Variants in HECTD4 observed in about 807,000 individuals in gnomAD.
The protein encoded by HECTD4 is probable E3 ubiquitin-protein ligase HECTD4.
In HECTD4, 114 loss-of-function variants were observed where a neutral mutation model predicts 471.5. That is an observed-to-expected ratio of 0.24 (90% confidence interval 0.21 to 0.28). The LOEUF (loss-of-function observed/expected upper bound fraction) is 0.28, where lower values mean the gene tolerates loss of function less well. Ranked by LOEUF, HECTD4 falls within the 10% of genes least tolerant of loss-of-function variation. The pLI is 1.00. For missense variants in HECTD4, 3,866 were observed against 5,651.5 expected (o/e 0.68, Z 10.13); for synonymous variants, 2,012 against 2,256.0 (o/e 0.89, Z 3.07).
intron 1 of HECTD4, among the ~76,000 whole-genome samples, chr12:112,335,808 A>G (rs2035947295): frequency 1.3e-5 from 2 of 152,334 alleles, no homozygotes; most frequent in Admixed American, 6.5e-5. Flanking sequence ...GTTCCCCAAT[A>G]ACCTATGGAA....
At chr12:112,289,684 T>C (rs1250481630) in intron 7 of HECTD4, among the ~76,000 whole-genome samples, 1 of 152,036 alleles carries the variant, frequency 6.6e-6, no homozygotes, top group Non-Finnish European at 1.5e-5. Context: ...TTTGTTTGTT[T>C]GTTTGTTTTT....
intron 69 of HECTD4, chr12:112,169,920 T>C: frequency 1.7e-6 from 1 of 583,612 alleles, no homozygotes; most frequent in South Asian, 2.0e-5. Flanking sequence ...CCTCTGCCTC[T>C]TGGGGAGGTC....
chr12:112,372,903 T>C (rs1173533748), intron 1 of HECTD4, among the ~76,000 whole-genome samples: 1 of 151,876 alleles, frequency 6.6e-6, no homozygotes. Context: ...TACAAGTGCA[T>C]GCCACCACGC....
chr12:112,193,050 A>G lies in HECTD4; in HGVS notation c.9086+11T>C, dbSNP rs772938573. On this transcript the variant is annotated intron_variant, in intron 58 of 75. Coordinates refer to ENST00000682272, the MANE Select transcript of HECTD4 (RefSeq NM_001388303.1). The surrounding 1 kb of genome is among the most constrained non-coding windows in gnomAD (Gnocchi z 5.2). ...TCCCCATCACCATCTTCTTGAGAAC[A>G]GGCAACTTACTCTTTGCGGAATCCA... The G allele has an allele frequency of 9.9e-6, 16 of 1,613,922 alleles. No individual in the cohort carries two copies. In the East Asian group the frequency reaches 3.1e-4, roughly 31 times the overall value.
chr12:112,183,078 G>A lies in HECTD4; in HGVS notation c.10968C>T (p.Phe3656=). 1 of 1,612,758 alleles carries A rather than the reference G, an allele frequency of 6.2e-7. No homozygotes were observed. Among genetic ancestry groups the A allele is most frequent in the South Asian group, 1.1e-5 (1 of 91,028 alleles). ...ACCCACCTTTAATTGACTTATCATTGAAATAATCTTCTAACCCTGGGCTCC... is the reference window on the plus strand; with the variant it reads ...ACCCACCTTTAATTGACTTATCATTAAAATAATCTTCTAACCCTGGGCTCC... ...TQGSPGLEDY[F]NDKSIKGEKL... The change falls in exon 62 of 76, where the codon TTC becomes TTT. Residue 3656 remains phenylalanine, a synonymous_variant. Coordinates refer to ENST00000682272, the MANE Select transcript of HECTD4 (RefSeq NM_001388303.1).
Position 112,250,974 on chromosome 12 carries a change from T to C in HECTD4, c.3713A>G (p.Gln1238Arg). 4 of 1,608,530 alleles carry C rather than the reference T, an allele frequency of 2.5e-6. No homozygotes were observed. Among genetic ancestry groups the C allele is most frequent in the Non-Finnish European group, 3.4e-6 (4 of 1,177,612 alleles). The change falls in exon 24 of 76, where the codon CAA becomes CGA. Residue 1238 changes from glutamine (Q) to arginine (R), a missense_variant. This residue lies in a region of HECTD4 where 281 missense variants were observed against 499.9 expected (regional missense o/e 0.56). Transcript: ENST00000682272. ...CQELLRSKLL[Q>R]RCQWQVEANG... ...TCAATTTCAACCTTTTTGTTACCTT[T>C]GTAAAAGTTTGGACCGCAATAGCTC...
chr12:112,235,144 T>C lies in HECTD4; in HGVS notation c.5848A>G (p.Lys1950Glu). The change falls in exon 37 of 76, where the codon AAG becomes GAG. Residue 1950 changes from lysine to glutamate, a missense_variant. Physicochemically the swap from Lys to Glu is moderately conservative, Grantham distance 56 (BLOSUM62 1). Around this residue, in one of 16 missense-constraint regions of HECTD4, gnomAD observed 617 missense variants for 915.1 expected, o/e 0.67. Transcript: ENST00000682272. This position sits in a 1 kb window ranked among gnomAD's most constrained non-coding sequence, Gnocchi z 5.0. Reference sequence around the variant, plus strand: ...CGCTTGTGGATAAATATCGAGAGCTTGCCATCCACAGCCTCACTCTCTTCT... The same window carrying C: ...CGCTTGTGGATAAATATCGAGAGCTCGCCATCCACAGCCTCACTCTCTTCT... Reference protein sequence around the residue: ...PGEESEAVDGKLSIFIHKRED... With the variant: ...PGEESEAVDGELSIFIHKRED... 1 of 1,612,792 alleles carries C rather than the reference T, an allele frequency of 6.2e-7. No homozygotes were observed. The highest frequency in any genetic ancestry group is 8.5e-7 in the Non-Finnish European group (1 of 1,179,320).
chr12:112,282,096 C>T (rs1423292363), intron 8 of HECTD4, among the ~76,000 whole-genome samples: 1 of 151,998 alleles, frequency 6.6e-6, no homozygotes, highest in African/African-American at 2.4e-5. Context: ...TTTAAAAGTG[C>T]AGAACAGCCA....
chr12:112,381,441 G>T lies in HECTD4; in HGVS notation c.177+511C>A, dbSNP rs74836869. ...AGAAGTTGCTGGATTGCCCATCGCG[G>T]ACCCGCAGCTGCCACTACCCTCTCC... On this transcript the variant is annotated intron_variant, in intron 1 of 75. Coordinates refer to ENST00000682272, the MANE Select transcript of HECTD4 (RefSeq NM_001388303.1). This position sits in a 1 kb window ranked among gnomAD's most constrained non-coding sequence, Gnocchi z 4.1. 3.8e-3 allele frequency among the ~76,000 whole-genome samples: 576 copies of T among 152,186 alleles called. 5 individuals carry two copies. The highest frequency in any genetic ancestry group is 0.013 in the African/African-American group (559 of 41,516).
chr12:112,187,517 C>T (rs868673207), intron 60 of HECTD4, among the ~76,000 whole-genome samples: 14 of 151,680 alleles, frequency 9.2e-5, no homozygotes, highest in Admixed American at 2.6e-4. Flanking sequence ...GGATTACAGG[C>T]GTGAGACACC....
At chr12:112,332,905 T>C (rs1247851577) in intron 1 of HECTD4, among the ~76,000 whole-genome samples, 1 of 152,186 alleles carries the variant, frequency 6.6e-6, no homozygotes, top group Non-Finnish European at 1.5e-5. Context: ...CTATTTTCTA[T>C]ATTTATAGAT....
chr12:112,347,170 A>G (rs1566119676), intron 1 of HECTD4, among the ~76,000 whole-genome samples: 1 of 152,102 alleles, frequency 6.6e-6, no homozygotes, highest in Non-Finnish European at 1.5e-5. Context: ...TGAATAAAAA[A>G]TATCTGATGA....
At chr12:112,371,938 C>CCAAA (rs150892695) in intron 1 of HECTD4, among the ~76,000 whole-genome samples, 2 of 147,178 alleles carry the variant, frequency 1.4e-5, no homozygotes, top group Non-Finnish European at 3.0e-5. Flanking sequence ...GGATCACCAA[C>CCAAA]CAAACAAACA....
chr12:112,272,939 G>T (rs1248437268), intron 11 of HECTD4, among the ~76,000 whole-genome samples: 1 of 152,186 alleles, frequency 6.6e-6, no homozygotes, highest in Non-Finnish European at 1.5e-5. Flanking sequence ...CCAAGCTTGA[G>T]GTGGTCAGCA....
intron 71 of HECTD4, 127 bp from the exon 72 acceptor site, chr12:112,167,665 C>T: frequency 1.9e-6 from 2 of 1,031,840 alleles, no homozygotes; most frequent in East Asian, 2.6e-5. Flanking sequence ...CCAGAGCTTG[C>T]CCATCCAGTG....
In HECTD4 at chr12:112,219,426, G is replaced by C. The variant is rs1456482379; in HGVS notation, c.7034C>G (p.Ala2345Gly). 1 of 1,613,746 alleles carries C rather than the reference G, an allele frequency of 6.2e-7. No homozygotes were observed. Among genetic ancestry groups the C allele is most frequent in the Non-Finnish European group, 8.5e-7 (1 of 1,179,792 alleles). The change falls in exon 45 of 76, where the codon GCT (alanine) becomes GGT (glycine). Residue 2345 changes from alanine to glycine, a missense_variant. Physicochemically the swap from Ala to Gly is moderately conservative, Grantham distance 60. Transcript: ENST00000682272. Reference protein sequence around the residue: ...ERLRMLYRDCARPPPPPLQAD... With the variant: ...ERLRMLYRDCGRPPPPPLQAD... ...CTGCAAAGGAGGTGGTGGGGGCCGA[G>C]CACAGTCCCGGTAGAGCATCCTCAG...
At position 112,323,949 on chromosome 12, in the gene HECTD4, TCTTTCTTTCTTTCTTTCTTCCTTCCTTC is replaced by T. The variant is rs1481164043; in HGVS notation, c.178-4235_178-4208del. Among the ~76,000 whole-genome samples, 9 of 43,360 alleles carry T rather than the reference TCTTTCTTTCTTTCTTTCTTCCTTCCTTC, an allele frequency of 2.1e-4. No individual in the cohort carries two copies. In the South Asian group the frequency reaches 4.1e-3, roughly 20 times the overall value. 28.4% of individuals were successfully genotyped at this position (43,360 alleles called of 152,430 possible). On this transcript the variant is annotated intron_variant, in intron 1 of 75. Transcript: ENST00000682272. ...TAGAGGTATTTTTTACTGAGGTGCT[TCTTTCTTTCTTTCTTTCTTCCTTCCTTC>T]CTTCCTTCCTTCCTTCCTTCCTTCC... is the stretch of plus-strand genomic sequence containing the variant.
Position 112,185,243 on chromosome 12 carries a change from C to G in HECTD4, c.9723G>C (p.Gly3241=). Residue 3241 remains glycine (G), a synonymous_variant, in exon 61 of 76, where the codon GGG becomes GGC. Transcript: ENST00000682272. Reference sequence around the variant, plus strand: ...ACCTGCCCTGGTCACCGGCCGCCGCCCCCCCGGAGCCCCCGCAGGCGCCGC... The same window carrying G: ...ACCTGCCCTGGTCACCGGCCGCCGCGCCCCCGGAGCCCCCGCAGGCGCCGC... ...VSGGACGGSG[G]AAAGDQGRFS... 4 of 1,550,072 alleles carry G rather than the reference C, an allele frequency of 2.6e-6. No individual in the cohort carries two copies. The highest frequency in any genetic ancestry group is 1.2e-5 in the South Asian group (1 of 84,022).
At chr12:112,299,155 T>G (rs1299002665) in intron 7 of HECTD4, among the ~76,000 whole-genome samples, 2 of 152,204 alleles carry the variant, frequency 1.3e-5, no homozygotes, top group Non-Finnish European at 2.9e-5. Flanking sequence ...CAGATTCAAC[T>G]ATTGCCACAC....
Sources: allele counts gnomAD v4.1 joint callset (sites outside exome capture counted in the v4.1 genomes callset), GRCh38; gene constraint gnomAD v4.1.1; regional missense constraint gnomAD v4.1.1; non-coding constraint Gnocchi (gnomAD v3.1); transcripts MANE v1.5; gene names NCBI Gene and HGNC (gene_info 2026-07-23, HGNC 2026-07-21).